The following RYR3 variants were observed in gnomAD, a reference collection of about 807,000 sequenced individuals.
RYR3 encodes ryanodine receptor 3.
RYR3 carries 207 observed loss-of-function variants against 584.3 expected under a neutral mutation model. That is an observed-to-expected ratio of 0.35 (90% CI 0.32 to 0.40). The LOEUF (loss-of-function observed/expected upper bound fraction) is 0.40. RYR3 is among the 10% of genes least tolerant of loss of function. The pLI, the probability that RYR3 is intolerant of heterozygous loss-of-function variation, is 1.00. For missense variants in RYR3, 5,616 were observed against 6,089.2 expected, an observed-to-expected ratio of 0.92 and a Z score of 2.59; for synonymous variants, 2,416 against 2,248.5, an observed-to-expected ratio of 1.07 and a Z score of -2.11.
intron 12 of RYR3, among the ~76,000 whole-genome samples, chr15:33,567,335 T>C (rs1207637627): frequency 1.3e-5 from 2 of 152,234 alleles, no homozygotes; most frequent in Non-Finnish European, 2.9e-5. Flanking sequence ...AACAGAACTC[T>C]GTGAATTGTT....
At chr15:33,750,927 T>A (rs2071232336) in intron 57 of RYR3, among the ~76,000 whole-genome samples, 3 of 152,182 alleles carry the variant, frequency 2.0e-5, no homozygotes, top group African/African-American at 4.8e-5. Context: ...TGTGTCCATG[T>A]GTTCTCATTG....
At chr15:33,591,619 A>C (rs2059132904) in intron 16 of RYR3, among the ~76,000 whole-genome samples, 1 of 152,236 alleles carries the variant, frequency 6.6e-6, no homozygotes, top group Non-Finnish European at 1.5e-5. Flanking sequence ...AGATTCTGCT[A>C]ATATAAATAA....
chr15:33,473,570 C>G, intron 2 of RYR3, 32 bp downstream of exon 2: 1 of 1,610,644 alleles, frequency 6.2e-7, no homozygotes, highest in Non-Finnish European at 8.5e-7. Flanking sequence ...ACACCTTCTT[C>G]CACCTTGGCG....
At chr15:33,536,159 T>G (rs1032312341) in intron 5 of RYR3, among the ~76,000 whole-genome samples, 1 of 152,168 alleles carries the variant, frequency 6.6e-6, no homozygotes, top group Admixed American at 6.5e-5. Flanking sequence ...GTTCTCTGAA[T>G]GCACTTCTGG....
intron 1 of RYR3, among the ~76,000 whole-genome samples, chr15:33,345,609 A>G (rs1271150344): frequency 6.6e-6 from 1 of 152,084 alleles, no homozygotes; most frequent in Non-Finnish European, 1.5e-5. Context: ...CAGACTTTGT[A>G]CTCTGCCATG....
rs777542819 is a variant in RYR3, at chr15:33,788,381, C to G, written c.9753C>G (p.Ile3251Met). ...KGDTQEAELL[I>M]LDEFAVLCRD... ...ACACCCAGGAGGCAGAACTCCTCATCCTGGACGAGTTCGCGGTCCTCTGCA... is the reference window on the plus strand; with the variant it reads ...ACACCCAGGAGGCAGAACTCCTCATGCTGGACGAGTTCGCGGTCCTCTGCA... Residue 3251 changes from isoleucine (I) to methionine (M), a missense_variant, in exon 67 of 104, where the codon ATC becomes ATG. Around this residue, in one of 9 missense-constraint regions of RYR3, gnomAD observed 954 missense variants for 1,132.2 expected, o/e 0.84. Transcript: ENST00000634891. The G allele has an allele frequency of 6.2e-6, 10 of 1,613,828 alleles. No individual in the cohort carries two copies. The East Asian group carries it at 2.0e-4, about 32-fold the overall frequency.
intron 21 of RYR3, among the ~76,000 whole-genome samples, chr15:33,629,291 G>A (rs767085361): frequency 5.3e-5 from 8 of 152,226 alleles, no homozygotes; most frequent in African/African-American, 1.4e-4. Context: ...ACAAAGCCCC[G>A]AGTCACATGT....
intron 3 of RYR3, among the ~76,000 whole-genome samples, chr15:33,527,586 C>CAAA (rs34864486): frequency 3.1e-5 from 4 of 127,540 alleles, no homozygotes; most frequent in Non-Finnish European, 4.9e-5. Flanking sequence ...AACTCTGTCT[C>CAAA]AAAAAAAAAA....
chr15:33,376,138 C>G lies in RYR3; in HGVS notation c.51+65042C>G, dbSNP rs539815738. Among the ~76,000 whole-genome samples, 195 of 152,262 alleles carry G rather than the reference C, an allele frequency of 1.3e-3. 1 individual carries two copies. Among genetic ancestry groups the G allele is most frequent in the African/African-American group, 4.6e-3 (191 of 41,552 alleles). Reference sequence around the variant, plus strand: ...CCCTTTTCAGGCAACGTTCTTCTCCCCGCCCCAGAGACGACCACATTCTAA... The same window carrying G: ...CCCTTTTCAGGCAACGTTCTTCTCCGCGCCCCAGAGACGACCACATTCTAA... On this transcript the variant is annotated intron_variant, in intron 1 of 103. Coordinates refer to ENST00000634891, the MANE Select transcript of RYR3 (RefSeq NM_001036.6).
chr15:33,744,590 C>A (rs1000176045), intron 52 of RYR3, among the ~76,000 whole-genome samples: 1 of 152,162 alleles, frequency 6.6e-6, no homozygotes, highest in Non-Finnish European at 1.5e-5. Flanking sequence ...TAATCCAGTA[C>A]CGGGGGTCCA....
intron 16 of RYR3, among the ~76,000 whole-genome samples, chr15:33,597,460 CA>C (rs963785546): frequency 5.3e-5 from 8 of 151,862 alleles, no homozygotes; most frequent in Non-Finnish European, 8.8e-5. Flanking sequence ...ACTAAAAATA[CA>C]AAAAATTAGC....
At chr15:33,395,800 C>T (rs1026208422) in intron 1 of RYR3, among the ~76,000 whole-genome samples, 2 of 152,210 alleles carry the variant, frequency 1.3e-5, no homozygotes, top group Non-Finnish European at 2.9e-5. Flanking sequence ...AGTGACTTCA[C>T]TTAGCCCTCT....
intron 1 of RYR3, among the ~76,000 whole-genome samples, chr15:33,370,431 C>G (rs966346526): frequency 2.6e-5 from 4 of 152,202 alleles, no homozygotes; most frequent in African/African-American, 9.6e-5. Context: ...GTTCAGAGCT[C>G]TACAGCCAGA....
At chr15:33,413,978 T>G (rs1215678082) in intron 1 of RYR3, among the ~76,000 whole-genome samples, 1 of 152,238 alleles carries the variant, frequency 6.6e-6, no homozygotes, top group Non-Finnish European at 1.5e-5. Context: ...TTCTCAGGAT[T>G]AATGTCATTT....
In RYR3 at chr15:33,748,398, G is replaced by A. The variant is rs2070959105; in HGVS notation, c.8137-70G>A. 3 of 1,553,356 alleles carry A rather than the reference G, an allele frequency of 1.9e-6. No individual in the cohort carries two copies. In the South Asian group the frequency reaches 3.4e-5, roughly 18 times the overall value. ...TTTTCAGGACACATTTTTGACAGCT[G>A]AAGTTGGGGATGCCTGATAAGAACA... On this transcript the variant is annotated intron_variant, in intron 54 of 103. Coordinates refer to ENST00000634891, the MANE Select transcript of RYR3 (RefSeq NM_001036.6).
chr15:33,671,374 C>A (rs1328841938), intron 38 of RYR3, among the ~76,000 whole-genome samples: 1 of 152,198 alleles, frequency 6.6e-6, no homozygotes, highest in African/African-American at 2.4e-5. Flanking sequence ...TTGGAACACC[C>A]TTTCAAATCG....
In RYR3 at chr15:33,379,687, C is replaced by CTCTATATATA; in HGVS notation, c.51+68592_51+68593insCTATATATAT. ...TGTCCCTCTCTCTCTCTCTCTCTCT[C>CTCTATATATA]TATATATATATATATATATATGAAT... On this transcript the variant is annotated intron_variant, in intron 1 of 103. Coordinates refer to ENST00000634891, the MANE Select transcript of RYR3 (RefSeq NM_001036.6). Among the ~76,000 whole-genome samples the CTCTATATATA allele has an allele frequency of 1.7e-3, 209 of 125,506 alleles. 1 individual carries two copies. The highest frequency in any genetic ancestry group is 2.2e-3 in the Non-Finnish European group (136 of 62,150). The allele number at this position is 125,506 out of a possible 152,430, so 82.3% of individuals were successfully genotyped here.
At chr15:33,751,507 A>G (rs2071304772) in intron 57 of RYR3, among the ~76,000 whole-genome samples, 1 of 151,612 alleles carries the variant, frequency 6.6e-6, no homozygotes, top group Non-Finnish European at 1.5e-5. Flanking sequence ...TTTTTTTCGT[A>G]TGCCAGTTGG....
intron 57 of RYR3, among the ~76,000 whole-genome samples, chr15:33,752,754 C>T (rs181162746): frequency 2.1e-3 from 321 of 152,286 alleles, no homozygotes; most frequent in South Asian, 7.3e-3. Context: ...CTGGCCAGAA[C>T]GTCCAATAAT....
Sources: gnomAD v4.1 joint callset for allele counts (sites outside exome capture counted in the v4.1 genomes callset) on GRCh38, gnomAD v4.1.1 for gene constraint, gnomAD v4.1.1 regional missense constraint, MANE v1.5 for transcripts, NCBI Gene and HGNC (gene_info 2026-07-23, HGNC 2026-07-21) for gene names.